The following KCNH1 variants were observed in gnomAD, a reference collection of about 807,000 sequenced individuals.
KCNH1 encodes the protein potassium voltage-gated channel subfamily H member 1.
KCNH1 carries 27 observed loss-of-function variants against 69.2 expected under a neutral mutation model. That is an observed-to-expected ratio of 0.39 (90% confidence interval 0.29 to 0.54). The LOEUF is 0.54. KCNH1 is among the 20% of genes least tolerant of loss of function. The pLI, the probability that KCNH1 is intolerant of heterozygous loss-of-function variation, is 0.68. For synonymous variants in KCNH1, 456 were observed against 487.7 expected, an observed-to-expected ratio of 0.93 and a Z score of 0.86; for missense variants, 798 against 1,261.6, an observed-to-expected ratio of 0.63 and a Z score of 5.57.
chr1:210,878,378 G>C (rs1440104339), intron 7 of KCNH1, among the ~76,000 whole-genome samples: 1 of 151,832 alleles, frequency 6.6e-6, no homozygotes, highest in Admixed American at 6.6e-5. Context: ...CATTCACCAA[G>C]ATAGAACACA....
chr1:210,737,070 A>G (rs1189753389), intron 10 of KCNH1, among the ~76,000 whole-genome samples: 2 of 152,242 alleles, frequency 1.3e-5, no homozygotes, highest in East Asian at 1.9e-4. Context: ...AGAAGTAGCC[A>G]AAGCCACGTG....
intron 5 of KCNH1, among the ~76,000 whole-genome samples, chr1:211,051,198 A>G (rs1690198866): frequency 1.3e-5 from 2 of 151,990 alleles, no homozygotes; most frequent in Non-Finnish European, 2.9e-5. Flanking sequence ...GGATTTCACC[A>G]TGTTGGCCAT....
Position 211,090,430 on chromosome 1 carries a change from T to G in KCNH1, c.439+132A>C, listed in dbSNP as rs1691032107. ...ACTCCAGAATAACACAGTGCTTTGC[T>G]CTATACAAATTAAAGTTAGAATCTT... On this transcript the variant is annotated intron_variant, in intron 4 of 10. Transcript: ENST00000271751. The G allele has an allele frequency of 8.1e-6, 6 of 744,324 alleles. No individual in the cohort carries two copies. The South Asian group carries it at 1.2e-4, about 15-fold the overall frequency. 46.1% of individuals were successfully genotyped at this position (744,324 alleles called of 1,614,324 possible). A position where few individuals can be genotyped will look rare whatever the true frequency, so the allele number is the denominator to read the frequency against.
At chr1:210,782,925 T>G (rs528198812) in intron 9 of KCNH1, among the ~76,000 whole-genome samples, 21 of 152,304 alleles carry the variant, frequency 1.4e-4, no homozygotes, top group African/African-American at 4.6e-4. Flanking sequence ...TTTCTGTTGT[T>G]TATAAGCTAC....
chr1:210,968,041 C>A (rs565467312), intron 6 of KCNH1, among the ~76,000 whole-genome samples: 2 of 152,094 alleles, frequency 1.3e-5, no homozygotes, highest in East Asian at 3.9e-4. Context: ...CAACAGTCCC[C>A]AGAGTGTGAT....
intron 7 of KCNH1, among the ~76,000 whole-genome samples, chr1:210,917,794 A>C (rs989190126): frequency 5.3e-5 from 8 of 152,222 alleles, no homozygotes; most frequent in African/African-American, 1.9e-4. Flanking sequence ...AAATGCTGTA[A>C]GTAAGCACTG....
Position 210,996,425 on chromosome 1 carries a change from G to A in KCNH1, c.1032+22358C>T, listed in dbSNP as rs569653034. 2.0e-5 allele frequency among the ~76,000 whole-genome samples: 3 copies of A among 152,318 alleles called. No individual in the cohort carries two copies. In the East Asian group the frequency reaches 5.8e-4, roughly 29 times the overall value. On this transcript the variant is annotated intron_variant, in intron 6 of 10. Coordinates refer to ENST00000271751, the MANE Select transcript of KCNH1 (RefSeq NM_172362.3). ...TGAGATCAAACTGCAAGGTGGCAGC[G>A]AGGCTGGGGGAGGGGCGCCTGCCAT...
In KCNH1 at chr1:211,052,334, C is replaced by T. The variant is rs74156879; in HGVS notation, c.558+30446G>A. On this transcript the variant is annotated intron_variant, in intron 5 of 10. Coordinates refer to ENST00000271751, the MANE Select transcript of KCNH1 (RefSeq NM_172362.3). ...CATTTTCAATGTACCATGAAGCGGT[C>T]GTCCAAAACACCCCAGTAATAGCAC... Among the ~76,000 whole-genome samples, 449 of 152,320 alleles carry T rather than the reference C, an allele frequency of 2.9e-3. 1 individual carries two copies. The highest frequency in any genetic ancestry group is 0.01 in the African/African-American group (432 of 41,580).
At chr1:210,737,614 A>G (rs781275062) in intron 10 of KCNH1, among the ~76,000 whole-genome samples, 10 of 151,972 alleles carry the variant, frequency 6.6e-5, no homozygotes, top group Non-Finnish European at 1.2e-4. Flanking sequence ...CTCAATCTGA[A>G]CTCTCAATTC....
At chr1:210,801,999 C>A (rs1469987858) in intron 8 of KCNH1, among the ~76,000 whole-genome samples, 1 of 152,184 alleles carries the variant, frequency 6.6e-6, no homozygotes, top group Non-Finnish European at 1.5e-5. Context: ...CTTTGCCATT[C>A]TTTACACTGT....
rs1173008018 is a variant in KCNH1 at position 210,919,619 on chromosome 1, C to T, written c.1462+21G>A. On this transcript the variant is annotated intron_variant, in intron 7 of 10. Transcript: ENST00000271751. The surrounding 1 kb of genome is among the most constrained non-coding windows in gnomAD (Gnocchi z 4.2). The stretch of plus-strand genomic sequence containing the variant: ...CTAACAGAAGAGATGGCCAACCCCA[C>T]CCCAGCACTGTCATACTTACAGCCA... 1 of 1,598,892 alleles carries T rather than the reference C, an allele frequency of 6.3e-7. No homozygotes were observed. The highest frequency in any genetic ancestry group is 8.5e-7 in the Non-Finnish European group (1 of 1,170,330).
chr1:210,683,211 A>G lies in KCNH1; in HGVS notation c.*70T>C. The G allele has an allele frequency of 6.9e-7, 1 of 1,444,056 alleles. No homozygotes were observed. The highest frequency in any genetic ancestry group is 9.4e-7 in the Non-Finnish European group (1 of 1,062,946). The allele number at this position is 1,444,056 out of a possible 1,614,324, so 89.5% of individuals were successfully genotyped here. A position where few individuals can be genotyped will look rare whatever the true frequency, so the allele number is the denominator to read the frequency against. On this transcript the variant is annotated 3_prime_UTR_variant, in exon 11 of 11. Coordinates refer to ENST00000271751, the MANE Select transcript of KCNH1 (RefSeq NM_172362.3). This position sits in a 1 kb window ranked among gnomAD's most constrained non-coding sequence, Gnocchi z 5.7. ...TGAAAATTGTTGGTCATGTGGACAT[A>G]TGTGGTAGGGGTGGTGGTGACGGCA...
intron 7 of KCNH1, among the ~76,000 whole-genome samples, chr1:210,863,511 G>A (rs1302287096): frequency 6.6e-6 from 1 of 152,202 alleles, no homozygotes; most frequent in Non-Finnish European, 1.5e-5. Flanking sequence ...CTCTGAGCTG[G>A]TGACCAGCTT....
intron 7 of KCNH1, among the ~76,000 whole-genome samples, chr1:210,912,436 T>C (rs552948959): frequency 1.3e-5 from 2 of 152,312 alleles, no homozygotes; most frequent in South Asian, 2.1e-4. Context: ...GAACGTCATA[T>C]CCAGATATAC....
At chr1:211,017,640 G>A (rs114869211) in intron 6 of KCNH1, among the ~76,000 whole-genome samples, 38 of 152,270 alleles carry the variant, frequency 2.5e-4, no homozygotes, top group African/African-American at 8.2e-4. Flanking sequence ...TCTTTGCAAT[G>A]ACTTGACATC....
At chr1:211,051,724 C>T (rs1690209260) in intron 5 of KCNH1, among the ~76,000 whole-genome samples, 1 of 152,142 alleles carries the variant, frequency 6.6e-6, no homozygotes, top group Non-Finnish European at 1.5e-5. Context: ...AACAAAAAGA[C>T]ATTAAAGGAT....
At chr1:211,038,502 C>T (rs1021766526) in intron 5 of KCNH1, among the ~76,000 whole-genome samples, 19 of 152,248 alleles carry the variant, frequency 1.2e-4, no homozygotes, top group African/African-American at 3.9e-4. Flanking sequence ...GAGGTTGGAA[C>T]AGTTTGGAGG....
intron 5 of KCNH1, among the ~76,000 whole-genome samples, chr1:211,072,212 A>C (rs1690657988): frequency 6.6e-6 from 1 of 152,132 alleles, no homozygotes; most frequent in Non-Finnish European, 1.5e-5. Flanking sequence ...GGAGGTGGAG[A>C]TTGCAGTGAG....
At chr1:210,762,974 G>T (rs1462803799) in intron 10 of KCNH1, among the ~76,000 whole-genome samples, 1 of 151,996 alleles carries the variant, frequency 6.6e-6, no homozygotes, top group Non-Finnish European at 1.5e-5. Flanking sequence ...AAAATCTTCA[G>T]CAAAATACTA....
Sources: allele counts gnomAD v4.1 joint callset (sites outside exome capture counted in the v4.1 genomes callset), GRCh38; gene constraint gnomAD v4.1.1; non-coding constraint Gnocchi (gnomAD v3.1); transcripts MANE v1.5; gene names NCBI Gene and HGNC (gene_info 2026-07-23, HGNC 2026-07-21).